SLC1A2: variants seen among roughly 807,000 people sequenced by gnomAD.
SLC1A2 encodes the protein solute carrier family 1 member 2, also known as excitatory amino acid transporter 2.
SLC1A2 carries 15 observed loss-of-function variants against 48.8 expected under a neutral mutation model. The observed-to-expected ratio is 0.31, with a 90% CI of 0.21 to 0.47. The LOEUF is 0.47. Among genes scored for constraint, SLC1A2 ranks in the 20% least tolerant of loss-of-function variants. The probability of loss-of-function intolerance (pLI) is 0.99; values close to 1 mark genes in which losing one functional copy is unlikely to be tolerated. For missense variants in SLC1A2, 502 were observed against 730.5 expected (o/e 0.69, Z 3.61); for synonymous variants, 279 against 272.6 (o/e 1.02, Z -0.23).
chr11:35,394,708 G>A (rs1284802640), intron 1 of SLC1A2, among the ~76,000 whole-genome samples: 1 of 152,206 alleles, frequency 6.6e-6, no homozygotes, highest in Non-Finnish European at 1.5e-5. Context: ...GTCAGTGGGA[G>A]TGGCCAGTGC....
At chr11:35,283,278 C>T (rs1178481563) in intron 8 of SLC1A2, among the ~76,000 whole-genome samples, 1 of 152,144 alleles carries the variant, frequency 6.6e-6, no homozygotes, top group African/African-American at 2.4e-5. Flanking sequence ...CACTATTTTC[C>T]TACATGCAGT....
At chr11:35,355,843 C>T (rs1474119575) in intron 1 of SLC1A2, among the ~76,000 whole-genome samples, 1 of 150,964 alleles carries the variant, frequency 6.6e-6, no homozygotes, top group Non-Finnish European at 1.5e-5. Context: ...CAAGATCATG[C>T]CACTGCACTC....
chr11:35,294,670 C>T (rs953091823), intron 6 of SLC1A2, among the ~76,000 whole-genome samples: 1 of 152,140 alleles, frequency 6.6e-6, no homozygotes, highest in Non-Finnish European at 1.5e-5. Flanking sequence ...TCCTTCTCTC[C>T]TGGGACGAGC....
At chr11:35,263,912 G>A (rs1950437010) in intron 10 of SLC1A2, 1 of 152,154 alleles carries the variant, frequency 6.6e-6, no homozygotes, top group Admixed American at 6.5e-5. Flanking sequence ...CACACAATAA[G>A]TACTTAAATA....
intron 1 of SLC1A2, among the ~76,000 whole-genome samples, chr11:35,371,745 T>A (rs1854070487): frequency 6.6e-6 from 1 of 152,178 alleles, no homozygotes; most frequent in Non-Finnish European, 1.5e-5. Context: ...CCACTTCACC[T>A]AGGAGCCCCA....
intron 1 of SLC1A2, chr11:35,322,888 C>G: frequency 1.6e-6 from 1 of 623,950 alleles, no homozygotes; most frequent in Non-Finnish European, 2.9e-6. Context: ...GCCTGAAACT[C>G]TAAGACTTTC....
intron 10 of SLC1A2, 45 bp downstream of exon 10, chr11:35,265,482 G>C: frequency 1.1e-6 from 1 of 911,220 alleles, no homozygotes; most frequent in Non-Finnish European, 1.8e-6. Flanking sequence ...AATCAAGCAT[G>C]CACTACTATA....
rs1198882069 is a variant in SLC1A2, at chr11:35,312,312, G to A, written c.447C>T (p.Leu149=). 5.6e-6 allele frequency: 9 copies of A among 1,614,000 alleles called. No homozygotes were observed. The highest frequency in any genetic ancestry group is 7.6e-6 in the Non-Finnish European group (9 of 1,180,014). The change falls in exon 4 of 11, where the codon CTC becomes CTT. Residue 149 remains leucine (L), a synonymous_variant. Transcript: ENST00000278379. ...TCTTCCCAGGCCCCAGCTGCTTCTT[G>A]AGCTTGGGATTGCCTGGATGGATAG... ...VLAIHPGNPK[L]KKQLGPGKKN...
chr11:35,280,153 A>T (rs552976830), intron 9 of SLC1A2, among the ~76,000 whole-genome samples: 7 of 151,622 alleles, frequency 4.6e-5, no homozygotes, highest in Admixed American at 3.3e-4. Flanking sequence ...GAAACCACTA[A>T]TCTCTTTCTT....
chr11:35,313,177 C>A (rs1249681018), intron 3 of SLC1A2, among the ~76,000 whole-genome samples: 1 of 152,118 alleles, frequency 6.6e-6, no homozygotes, highest in African/African-American at 2.4e-5. Flanking sequence ...GTTTTAATGT[C>A]CTCACTTGGA....
rs929797400 is a variant in SLC1A2, at chr11:35,271,945, T to C, written c.1422-6187A>G. 2.8e-4 allele frequency among the ~76,000 whole-genome samples: 43 copies of C among 151,962 alleles called. 2 individuals are homozygous for C. The highest frequency in any genetic ancestry group is 2.4e-3 in the Admixed American group (37 of 15,260). ...GTGATAGAAGCCAGCTCACTATAGG[T>C]AAAAAATGGAAAGTGAAGTGAAGAA... On this transcript the variant is annotated intron_variant, in intron 9 of 10. Coordinates refer to ENST00000278379, the MANE Select transcript of SLC1A2 (RefSeq NM_004171.4).
intron 1 of SLC1A2, 88 bp downstream of exon 1, chr11:35,418,862 C>T (rs905716836): frequency 2.4e-6 from 3 of 1,269,356 alleles, no homozygotes; most frequent in Non-Finnish European, 3.4e-6. Flanking sequence ...CCCGCCGCCG[C>T]CGCCTCTCTA....
chr11:35,308,221 G>C (rs887118220), intron 4 of SLC1A2, among the ~76,000 whole-genome samples: 5 of 152,184 alleles, frequency 3.3e-5, no homozygotes, highest in Admixed American at 3.3e-4. Flanking sequence ...GTAGCCCTTC[G>C]ACTCAAGGGC....
intron 1 of SLC1A2, among the ~76,000 whole-genome samples, chr11:35,398,607 T>A (rs2135264491): frequency 6.6e-6 from 1 of 152,292 alleles, no homozygotes; most frequent in East Asian, 1.9e-4. Context: ...ACCAAACCCC[T>A]GTGACATGCA....
At chr11:35,278,984 A>C (rs182710328) in intron 9 of SLC1A2, among the ~76,000 whole-genome samples, 1 of 152,282 alleles carries the variant, frequency 6.6e-6, no homozygotes, top group East Asian at 1.9e-4. Flanking sequence ...GCACCACTGC[A>C]CTCCATCCTG....
At chr11:35,294,461 T>G (rs1433667299) in intron 6 of SLC1A2, among the ~76,000 whole-genome samples, 1 of 152,188 alleles carries the variant, frequency 6.6e-6, no homozygotes, top group Admixed American at 6.6e-5. Flanking sequence ...CATAGTCACA[T>G]CTTATAAATT....
chr11:35,288,980 T>A (rs1850910316), intron 7 of SLC1A2, among the ~76,000 whole-genome samples: 1 of 152,266 alleles, frequency 6.6e-6, no homozygotes, highest in Admixed American at 6.5e-5. Flanking sequence ...CAAGCTTTCC[T>A]GTGTGGATGG....
chr11:35,299,262 CCGGGAGG>C (rs956414415), intron 6 of SLC1A2: 4 of 152,170 alleles, frequency 2.6e-5, no homozygotes, highest in African/African-American at 9.7e-5. Flanking sequence ...TCACTTGAAC[CCGGGAGG>C]CGGAGGTTGC....
At position 35,279,754 on chromosome 11, in the gene SLC1A2, C is replaced by T. The variant is rs559247042; in HGVS notation, c.1421+1113G>A. ...CCTCTATAAACCTCAGTGTCCTCAT[C>T]TATAAAGTGGGAATAATAACATTTA... is the stretch of plus-strand genomic sequence containing the variant. On this transcript the variant is annotated intron_variant, in intron 9 of 10. Coordinates refer to ENST00000278379, the MANE Select transcript of SLC1A2 (RefSeq NM_004171.4). Among the ~76,000 whole-genome samples the T allele has an allele frequency of 5.3e-5, 8 of 152,342 alleles. No individual in the cohort carries two copies. The South Asian group carries it at 1.4e-3, about 28-fold the overall frequency.
Sources: allele counts gnomAD v4.1 joint callset (sites outside exome capture counted in the v4.1 genomes callset), GRCh38; gene constraint gnomAD v4.1.1; transcripts MANE v1.5; gene names NCBI Gene and HGNC (gene_info 2026-07-23, HGNC 2026-07-21).